Variants in TAF1A observed in about 807,000 individuals in gnomAD.
TAF1A encodes the protein TATA-box binding protein associated factor, RNA polymerase I subunit A, also known as TATA box-binding protein-associated factor RNA polymerase I subunit A.
In TAF1A, 42 loss-of-function variants were observed where a neutral mutation model predicts 61.6. The observed-to-expected ratio is 0.68, with a 90% confidence interval of 0.53 to 0.88. TAF1A has a LOEUF of 0.88. Among genes scored for constraint, TAF1A ranks in the 40% least tolerant of loss-of-function variants. The pLI is 0.00. For synonymous variants in TAF1A, 179 were observed against 177.7 expected (o/e 1.01, Z -0.06); for missense variants, 424 against 518.7 (o/e 0.82, Z 1.77).
Position 222,558,581 on chromosome 1 carries a change from A to G in TAF1A, c.*79T>C. On this transcript the variant is annotated 3_prime_UTR_variant, in exon 11 of 11. Transcript: ENST00000352967. ...TGTAGTAATATAAGCTTCTTAATAC[A>G]CTACATAAATACATTCAATAACTAT... 1 of 615,826 alleles carries G rather than the reference A, an allele frequency of 1.6e-6. No individual in the cohort carries two copies. Among genetic ancestry groups the G allele is most frequent in the Non-Finnish European group, 2.6e-6 (1 of 390,026 alleles). The allele number at this position is 615,826 out of a possible 1,614,324, so 38.1% of individuals were successfully genotyped here.
At chr1:222,576,138 AG>A (rs2102663223) in intron 5 of TAF1A, among the ~76,000 whole-genome samples, 1 of 152,352 alleles carries the variant, frequency 6.6e-6, no homozygotes, top group East Asian at 1.9e-4. Context: ...CAAATGATTC[AG>A]GCTGAACATG....
At chr1:222,579,124 A>G (rs911214497) in intron 4 of TAF1A, among the ~76,000 whole-genome samples, 9 of 152,196 alleles carry the variant, frequency 5.9e-5, no homozygotes, top group Admixed American at 4.6e-4. Context: ...AACTGCCCCC[A>G]TTTAATTTCC....
At chr1:222,579,545 G>T (rs1660702115) in intron 4 of TAF1A, among the ~76,000 whole-genome samples, 1 of 152,106 alleles carries the variant, frequency 6.6e-6, no homozygotes, top group South Asian at 2.1e-4. Context: ...AATATACAAA[G>T]AAAAGGAATT....
At chr1:222,564,191 C>T (rs948418727) in intron 7 of TAF1A, 66 bp from the exon 8 acceptor site, 4 of 1,068,056 alleles carry the variant, frequency 3.7e-6, no homozygotes, top group Middle Eastern at 2.3e-4. Flanking sequence ...TTTCAGCTTA[C>T]TTTCAAAATA....
intron 7 of TAF1A, among the ~76,000 whole-genome samples, chr1:222,567,028 G>A (rs1660144447): frequency 6.6e-6 from 1 of 152,100 alleles, no homozygotes. Context: ...ACTTATAATA[G>A]CCAAACAACA....
intron 7 of TAF1A, chr1:222,568,758 AC>A (rs1272116764): frequency 2.0e-5 from 3 of 152,348 alleles, no homozygotes; most frequent in East Asian, 1.9e-4. Flanking sequence ...TCAGGTAGCT[AC>A]CCAAGAAACA....
chr1:222,573,057 T>C (rs1040508830), intron 5 of TAF1A, among the ~76,000 whole-genome samples: 11 of 152,086 alleles, frequency 7.2e-5, no homozygotes, highest in Non-Finnish European at 1.5e-4. Flanking sequence ...TCACTTGAGG[T>C]CAGGAGTTCG....
In TAF1A at chr1:222,561,499, G is replaced by A. The variant is rs770750574; in HGVS notation, c.1105C>T (p.Gln369Ter). Residue 369 changes from glutamine (Q) to a stop codon, truncating the protein, a stop_gained, in exon 10 of 11, where the codon CAA becomes TAA. Coordinates refer to ENST00000352967, the MANE Select transcript of TAF1A (RefSeq NM_005681.4). LOFTEE classifies it high-confidence loss of function. ...ILMGNHLAWV[Q>*]EEWNSRKNWW... ...TTTTTCCTGGAGTTCCACTCTTCTT[G>A]AACCCACGCAAGGTGGTTTCTGGAA... The A allele has an allele frequency of 6.2e-7, 1 of 1,608,372 alleles. No homozygotes were observed.
At chr1:222,569,095 C>A in intron 7 of TAF1A, 1 of 281,364 alleles carries the variant, frequency 3.6e-6, no homozygotes, top group South Asian at 5.8e-5. Context: ...GACAGACAGG[C>A]TGCAAAGGGA....
At position 222,579,150 on chromosome 1, in the gene TAF1A, G is replaced by T. The variant is rs148426617; in HGVS notation, c.405+609C>A. ...TTTAATTTCCACTCACAGTATACCT[G>T]GTCTACCAGAGAACAAAATCGTAAG... On this transcript the variant is annotated intron_variant, in intron 4 of 10. Transcript: ENST00000352967. Among the ~76,000 whole-genome samples, 384 of 152,202 alleles carry T rather than the reference G, an allele frequency of 2.5e-3. 1 individual carries two copies. Among genetic ancestry groups the T allele is most frequent in the African/African-American group, 8.8e-3 (367 of 41,524 alleles).
At position 222,589,877 on chromosome 1, in the gene TAF1A, T is replaced by C. The variant is rs1661187104; in HGVS notation, c.-153A>G. The C allele has an allele frequency of 2.5e-6, 1 of 396,084 alleles. No individual in the cohort carries two copies. The highest frequency in any genetic ancestry group is 3.6e-5 in the East Asian group (1 of 27,990). 24.5% of individuals were successfully genotyped at this position (396,084 alleles called of 1,614,324 possible). A position where few individuals can be genotyped will look rare whatever the true frequency, so the allele number is the denominator to read the frequency against. The stretch of plus-strand genomic sequence containing the variant: ...GTATTTAGGCAGCGCGCGGCCCGGC[T>C]CGTAACTCCTCCTGCTGCAGCAGGC... On this transcript the variant is annotated 5_prime_UTR_variant, in exon 1 of 11. Coordinates refer to ENST00000352967, the MANE Select transcript of TAF1A (RefSeq NM_005681.4).
At chr1:222,584,073 G>C in intron 3 of TAF1A, 55 bp downstream of exon 3, 1 of 1,570,002 alleles carries the variant, frequency 6.4e-7, no homozygotes, top group Non-Finnish European at 8.6e-7. Context: ...TGAAGCTGTA[G>C]GCATAAACTT....
downstream of TAF1A, among the ~76,000 whole-genome samples, chr1:222,557,599 C>T (rs1659748521): frequency 6.8e-6 from 1 of 146,018 alleles, no homozygotes. Flanking sequence ...TACAAGCGCG[C>T]ACCACCAAGC....
At chr1:222,588,700 T>G in intron 1 of TAF1A, 135 bp from the exon 2 acceptor site, 1 of 916,950 alleles carries the variant, frequency 1.1e-6, no homozygotes, top group South Asian at 2.4e-5. Flanking sequence ...TGTCAGCTCT[T>G]TTAAAGTAAA....
chr1:222,586,289 A>G (rs1661013578), intron 2 of TAF1A, among the ~76,000 whole-genome samples: 1 of 152,220 alleles, frequency 6.6e-6, no homozygotes, highest in South Asian at 2.1e-4. Flanking sequence ...AACTGACAAA[A>G]CACCTCGTCC....
intron 7 of TAF1A, among the ~76,000 whole-genome samples, chr1:222,566,285 C>T (rs936112521): frequency 6.6e-6 from 1 of 152,190 alleles, no homozygotes; most frequent in Non-Finnish European, 1.5e-5. Context: ...GATACCACTT[C>T]ACACCCACTA....
chr1:222,565,175 A>T (rs1278692670), intron 7 of TAF1A, among the ~76,000 whole-genome samples: 1 of 152,222 alleles, frequency 6.6e-6, no homozygotes, highest in African/African-American at 2.4e-5. Context: ...TGTTTTTAAA[A>T]AATTAGTTTG....
At chr1:222,576,423 C>A (rs1660574355) in intron 5 of TAF1A, among the ~76,000 whole-genome samples, 1 of 152,018 alleles carries the variant, frequency 6.6e-6, no homozygotes, top group African/African-American at 2.4e-5. Context: ...AATAGTAGGA[C>A]TAAGATATGG....
intron 5 of TAF1A, among the ~76,000 whole-genome samples, chr1:222,572,278 CAGAA>C (rs1188176862): frequency 2.7e-5 from 4 of 150,476 alleles, no homozygotes; most frequent in African/African-American, 9.8e-5. Flanking sequence ...GTGATATGGG[CAGAA>C]AGAGAGACAC....
Sources: gnomAD v4.1 joint callset for allele counts (sites outside exome capture counted in the v4.1 genomes callset) on GRCh38, gnomAD v4.1.1 for gene constraint, MANE v1.5 for transcripts, NCBI Gene and HGNC (gene_info 2026-07-23, HGNC 2026-07-21) for gene names.